CACNA2D1: variants seen among roughly 807,000 people sequenced by gnomAD.
CACNA2D1 encodes the protein voltage-dependent calcium channel subunit alpha-2/delta-1.
Under a neutral mutation model 171.5 loss-of-function variants are expected in CACNA2D1, and 53 were observed. The ratio of observed to expected loss-of-function variants is 0.31; its 90% confidence interval spans 0.25 to 0.39. The LOEUF (loss-of-function observed/expected upper bound fraction) is 0.39, where lower values mean the gene tolerates loss of function less well. CACNA2D1 is among the 10% of genes least tolerant of loss of function. The probability of loss-of-function intolerance (pLI) is 1.00; values close to 1 mark genes in which losing one functional copy is unlikely to be tolerated. For synonymous variants in CACNA2D1, 442 were observed against 443.1 expected, an observed-to-expected ratio of 1.00 and a Z score of 0.03; for missense variants, 903 against 1,299.8, an observed-to-expected ratio of 0.69 and a Z score of 4.69.
intron 12 of CACNA2D1, chr7:82,027,598 ATATG>A (rs1427756203): frequency 2.6e-5 from 4 of 151,638 alleles, no homozygotes; most frequent in African/African-American, 9.7e-5. Flanking sequence ...GCATATAATC[ATATG>A]TGTGTACAGG....
chr7:82,011,904 GGAAATTCTA>G, intron 15 of CACNA2D1: 1 of 382,568 alleles, frequency 2.6e-6, no homozygotes, highest in African/African-American at 2.1e-5. Context: ...ATTCCAGGTT[GGAAATTCTA>G]CATTCCCAAT....
chr7:82,165,229 G>A (rs953726495), intron 4 of CACNA2D1, among the ~76,000 whole-genome samples: 3 of 151,936 alleles, frequency 2.0e-5, no homozygotes, highest in Non-Finnish European at 4.4e-5. Flanking sequence ...TTTCCTGAGA[G>A]GAGAGGGAAG....
intron 1 of CACNA2D1, among the ~76,000 whole-genome samples, chr7:82,416,415 T>TTA (rs1828175034): frequency 6.6e-6 from 1 of 152,074 alleles, no homozygotes; most frequent in Admixed American, 6.6e-5. Context: ...AACAAACTAT[T>TTA]GTCAACCAGG....
At chr7:82,412,232 C>A (rs1041989585) in intron 1 of CACNA2D1, among the ~76,000 whole-genome samples, 2 of 150,956 alleles carry the variant, frequency 1.3e-5, no homozygotes, top group Non-Finnish European at 2.9e-5. Flanking sequence ...CTGTTCAGGG[C>A]TTCACTTACA....
At chr7:82,084,697 G>A (rs1457283695) in intron 7 of CACNA2D1, 72 bp downstream of exon 7, 27 of 1,505,896 alleles carry the variant, frequency 1.8e-5, no homozygotes, top group Admixed American at 3.3e-5. Context: ...ACAGTATCAG[G>A]GAAGATAACA....
chr7:82,231,568 T>C (rs943440640), intron 3 of CACNA2D1, among the ~76,000 whole-genome samples: 1 of 152,134 alleles, frequency 6.6e-6, no homozygotes, highest in African/African-American at 2.4e-5. Context: ...AGATTTTTCA[T>C]AAATTGCCAT....
intron 1 of CACNA2D1, among the ~76,000 whole-genome samples, chr7:82,425,540 A>ATTT (rs796114518): frequency 2.1e-5 from 3 of 142,206 alleles, no homozygotes; most frequent in Admixed American, 7.1e-5. Flanking sequence ...ATGAGATTCA[A>ATTT]TTTTTTTTTT....
At chr7:82,122,711 A>G (rs1584827216) in intron 5 of CACNA2D1, among the ~76,000 whole-genome samples, 1 of 152,214 alleles carries the variant, frequency 6.6e-6, no homozygotes, top group South Asian at 2.1e-4. Flanking sequence ...TGTAAAAGGC[A>G]CTATGTGATT....
chr7:82,101,239 G>C (rs1398714018), intron 6 of CACNA2D1, among the ~76,000 whole-genome samples: 1 of 152,016 alleles, frequency 6.6e-6, no homozygotes, highest in Non-Finnish European at 1.5e-5. Flanking sequence ...GAACCAAGTG[G>C]GTGGGTATTG....
intron 3 of CACNA2D1, among the ~76,000 whole-genome samples, chr7:82,281,464 T>G (rs1442253746): frequency 2.0e-5 from 3 of 152,160 alleles, no homozygotes; most frequent in Non-Finnish European, 4.4e-5. Context: ...ATATAATTTT[T>G]TCACCCAAAT....
At chr7:82,206,711 T>C (rs1288164526) in intron 3 of CACNA2D1, among the ~76,000 whole-genome samples, 1 of 152,032 alleles carries the variant, frequency 6.6e-6, no homozygotes, top group Non-Finnish European at 1.5e-5. Flanking sequence ...GATCCCAAAT[T>C]TAAAATAGGA....
intron 6 of CACNA2D1, among the ~76,000 whole-genome samples, chr7:82,091,112 A>G (rs930143760): frequency 1.2e-4 from 18 of 152,188 alleles, no homozygotes; most frequent in Non-Finnish European, 2.1e-4. Flanking sequence ...AGGAGTAGAC[A>G]GTGTGCATAA....
intron 1 of CACNA2D1, among the ~76,000 whole-genome samples, chr7:82,365,228 T>TA (rs1040947441): frequency 2.6e-5 from 4 of 151,916 alleles, no homozygotes; most frequent in Admixed American, 6.6e-5. Context: ...TTTTGCACAT[T>TA]AAAAAAAATT....
chr7:81,955,176 C>T (rs1793077758), intron 38 of CACNA2D1, among the ~76,000 whole-genome samples: 1 of 152,038 alleles, frequency 6.6e-6, no homozygotes, highest in Non-Finnish European at 1.5e-5. Context: ...TATGGAGCTT[C>T]ATAACTGTTT....
At position 82,149,641 on chromosome 7, in the gene CACNA2D1, G is replaced by C. The variant is rs114534371; in HGVS notation, c.355-12965C>G. Among the ~76,000 whole-genome samples, 675 of 152,050 alleles carry C rather than the reference G, an allele frequency of 4.4e-3. 2 individuals are homozygous for C. Among genetic ancestry groups the C allele is most frequent in the African/African-American group, 0.015 (637 of 41,484 alleles). ...AGATGCTTAGAGGAGGAAGCTATAA[G>C]AGTATGTGCTTGGCCGGGTGCTCAC... On this transcript the variant is annotated intron_variant, in intron 4 of 38. Coordinates refer to ENST00000356860, the MANE Select transcript of CACNA2D1 (RefSeq NM_000722.4).
At chr7:82,402,910 T>A (rs2129452112) in intron 1 of CACNA2D1, among the ~76,000 whole-genome samples, 1 of 152,032 alleles carries the variant, frequency 6.6e-6, no homozygotes, top group East Asian at 1.9e-4. Context: ...TAATAGATTA[T>A]TATTTATAAT....
chr7:82,005,395 A>T (rs754729068), intron 18 of CACNA2D1, 28 bp downstream of exon 18: 5 of 1,303,756 alleles, frequency 3.8e-6, no homozygotes, highest in Non-Finnish European at 5.5e-6. Flanking sequence ...ACAAAACACT[A>T]ATCACTGTAA....
Position 82,005,467 on chromosome 7 carries a change from C to T in CACNA2D1, c.1546G>A (p.Asp516Asn). The change falls in exon 18 of 39, where the codon GAT becomes AAT. Residue 516 changes from aspartate to asparagine, a missense_variant. Coordinates refer to ENST00000356860, the MANE Select transcript of CACNA2D1 (RefSeq NM_000722.4). The stretch of plus-strand genomic sequence containing the variant: ...TGTAATAAAACATAACCATTAGGAT[C>T]GATTGCAAAGTAATACCCATTGGGG... Reference protein sequence around the residue: ...LCPNGYYFAIDPNGYVLLHPN... With the variant: ...LCPNGYYFAINPNGYVLLHPN... 1 of 1,592,052 alleles carries T rather than the reference C, an allele frequency of 6.3e-7. No homozygotes were observed.
chr7:82,262,204 A>G (rs1337701186), intron 3 of CACNA2D1, among the ~76,000 whole-genome samples: 1 of 152,062 alleles, frequency 6.6e-6, no homozygotes, highest in Non-Finnish European at 1.5e-5. Context: ...GGTGGCAGGC[A>G]CCTGTAGTCC....
Sources: allele counts gnomAD v4.1 joint callset (sites outside exome capture counted in the v4.1 genomes callset), GRCh38; gene constraint gnomAD v4.1.1; transcripts MANE v1.5; gene names NCBI Gene and HGNC (gene_info 2026-07-23, HGNC 2026-07-21).